Variants in MORC1 observed in about 807,000 individuals in gnomAD.
MORC1 encodes MORC family CW-type zinc finger protein 1.
MORC1 carries 59 observed loss-of-function variants against 134.9 expected under a neutral mutation model. The ratio of observed to expected loss-of-function variants is 0.44; its 90% CI spans 0.35 to 0.54. The LOEUF (loss-of-function observed/expected upper bound fraction) is 0.54, where lower values mean the gene tolerates loss of function less well. Ranked by LOEUF, MORC1 falls within the 20% of genes least tolerant of loss-of-function variation. The pLI, the probability that MORC1 is intolerant of heterozygous loss-of-function variation, is 0.00. For missense variants in MORC1, 947 were observed against 1,134.5 expected (o/e 0.83, Z 2.37); for synonymous variants, 395 against 391.7 (o/e 1.01, Z -0.10).
chr3:109,048,387 A>G (rs911187160), intron 14 of MORC1, among the ~76,000 whole-genome samples: 7 of 152,232 alleles, frequency 4.6e-5, no homozygotes, highest in African/African-American at 1.7e-4. Context: ...ATAATTATAC[A>G]GGGTCTGAGA....
chr3:108,998,996 C>T (rs569730692), intron 21 of MORC1, among the ~76,000 whole-genome samples: 27 of 152,310 alleles, frequency 1.8e-4, no homozygotes, highest in Admixed American at 1.6e-3. Flanking sequence ...CCATGAAAAA[C>T]TCACACAGAC....
intron 9 of MORC1, among the ~76,000 whole-genome samples, chr3:109,069,425 T>G (rs533457774): frequency 6.6e-5 from 10 of 152,348 alleles, no homozygotes; most frequent in African/African-American, 2.2e-4. Flanking sequence ...TAACTTAGCA[T>G]GCTCACTGCA....
At chr3:109,081,957 G>A (rs1950528210) in intron 8 of MORC1, among the ~76,000 whole-genome samples, 1 of 152,088 alleles carries the variant, frequency 6.6e-6, no homozygotes, top group African/African-American at 2.4e-5. Flanking sequence ...TGTCTGGAGG[G>A]AGAAACGTCC....
At chr3:109,029,174 T>C (rs1044441900) in intron 16 of MORC1, among the ~76,000 whole-genome samples, 1 of 152,188 alleles carries the variant, frequency 6.6e-6, no homozygotes, top group Admixed American at 6.5e-5. Context: ...GGTACTACTG[T>C]GAAAAAACAC....
Position 109,007,049 on chromosome 3 carries a change from A to G in MORC1, c.1747T>C (p.Cys583Arg). Residue 583 changes from cysteine (C) to arginine (R), a missense_variant, in exon 18 of 28, where the codon TGC (cysteine) becomes CGC (arginine). By Grantham distance (180) the Cys-to-Arg change is radical. Transcript: ENST00000232603. ...PVDEITVTST[C>R]LTSAHKENTK... Reference sequence around the variant, plus strand: ...CTCACCTTATGTGCTGAAGTTAGGCAGGTGGAAGTGACAGTGATTTCGTCC... The same window carrying G: ...CTCACCTTATGTGCTGAAGTTAGGCGGGTGGAAGTGACAGTGATTTCGTCC... 1 of 1,612,696 alleles carries G rather than the reference A, an allele frequency of 6.2e-7. No individual in the cohort carries two copies. Among genetic ancestry groups the G allele is most frequent in the Non-Finnish European group, 8.5e-7 (1 of 1,179,318 alleles).
chr3:109,096,095 T>C (rs145306705), intron 6 of MORC1, among the ~76,000 whole-genome samples: 124 of 152,286 alleles, frequency 8.1e-4, no homozygotes, highest in African/African-American at 2.9e-3. Context: ...TCTTCAGAGT[T>C]ATAAGAGAAA....
intron 8 of MORC1, among the ~76,000 whole-genome samples, chr3:109,074,299 T>C (rs966209886): frequency 2.0e-5 from 3 of 152,188 alleles, no homozygotes; most frequent in Non-Finnish European, 4.4e-5. Context: ...CCTTTTTTAC[T>C]AGGGGCTGTG....
chr3:109,049,949 C>T (rs1484498953), intron 14 of MORC1, among the ~76,000 whole-genome samples: 3 of 152,098 alleles, frequency 2.0e-5, no homozygotes, highest in Non-Finnish European at 2.9e-5. Context: ...TATTCTTGAA[C>T]TTGGAAGTGT....
chr3:109,049,238 T>A, intron 14 of MORC1: 1 of 605,700 alleles, frequency 1.7e-6, no homozygotes, highest in Non-Finnish European at 2.1e-6. Context: ...TGTGAGCAAC[T>A]AGCTACATCC....
chr3:109,080,581 T>C (rs2107732283), intron 8 of MORC1, among the ~76,000 whole-genome samples: 1 of 152,272 alleles, frequency 6.6e-6, no homozygotes, highest in African/African-American at 2.4e-5. Flanking sequence ...TTCAATTATA[T>C]AAAAGAAGAT....
intron 17 of MORC1, among the ~76,000 whole-genome samples, chr3:109,011,674 A>G (rs547143372): frequency 6.6e-6 from 1 of 152,052 alleles, no homozygotes; most frequent in East Asian, 1.9e-4. Context: ...GGCATGCGCC[A>G]CCACGCCTGG....
chr3:109,030,901 G>A (rs781134608), intron 16 of MORC1, among the ~76,000 whole-genome samples: 57 of 152,036 alleles, frequency 3.7e-4, no homozygotes, highest in Non-Finnish European at 7.1e-4. Flanking sequence ...TATTTACCCC[G>A]ATGTGATTAT....
chr3:108,967,722 T>C (rs2107375458), intron 26 of MORC1, among the ~76,000 whole-genome samples: 1 of 152,218 alleles, frequency 6.6e-6, no homozygotes, highest in East Asian at 1.9e-4. Context: ...GGTGTGGTGG[T>C]ACAAGCCTGT....
Position 108,963,516 on chromosome 3 carries a change from A to G in MORC1, c.2697T>C (p.Asn899=). The change falls in exon 27 of 28, where the codon AAT becomes AAC. Residue 899 remains asparagine (N), a synonymous_variant. Transcript: ENST00000232603. The part of the protein sequence containing the change: ...IYDSNTRGIH[N]EISLGQCENK... ...TTTCACATTGCCCCAGAGAGATTTC[A>G]TTATGTATTCCTCTTGTATTTGAAT... 6.2e-7 allele frequency: 1 copy of G among 1,609,632 alleles called. No individual in the cohort carries two copies. Among genetic ancestry groups the G allele is most frequent in the Non-Finnish European group, 8.5e-7 (1 of 1,177,180 alleles).
At position 108,964,770 on chromosome 3, in the gene MORC1, T is replaced by C. The variant is rs528753889; in HGVS notation, c.2605-1162A>G. Among the ~76,000 whole-genome samples the C allele has an allele frequency of 5.3e-5, 8 of 152,284 alleles. 1 individual carries two copies. The South Asian group carries it at 6.2e-4, about 12-fold the overall frequency. ...AATACAAATGTGCACATAAATCTTA[T>C]GGAACATAAGGACCTTGTGCCCCCA... On this transcript the variant is annotated intron_variant, in intron 26 of 27. Transcript: ENST00000232603.
intron 14 of MORC1, among the ~76,000 whole-genome samples, chr3:109,042,698 T>C (rs1228148233): frequency 2.6e-5 from 4 of 152,202 alleles, no homozygotes; most frequent in African/African-American, 9.6e-5. Flanking sequence ...CATCAATAGA[T>C]AAAGGGTTTC....
rs746538514 is a variant in MORC1 at position 109,069,702 on chromosome 3, A to G, written c.745T>C (p.Trp249Arg). 23 of 1,613,244 alleles carry G rather than the reference A, an allele frequency of 1.4e-5. No individual in the cohort carries two copies. The highest frequency in any genetic ancestry group is 2.2e-5 in the East Asian group (1 of 44,836). Residue 249 changes from tryptophan (W) to arginine (R), a missense_variant, in exon 9 of 28, where the codon TGG becomes CGG. Coordinates refer to ENST00000232603, the MANE Select transcript of MORC1 (RefSeq NM_014429.4). ...TTGGCTTGAATGAATATTCTCATCC[A>G]TGGGTTAAAATACAGAACAGATGTG... The part of the protein sequence containing the change: ...AYTSVLYFNP[W>R]MRIFIQAKRV...
intron 9 of MORC1, among the ~76,000 whole-genome samples, chr3:109,068,812 T>C (rs2107703995): frequency 6.6e-6 from 1 of 152,286 alleles, no homozygotes; most frequent in South Asian, 2.1e-4. Flanking sequence ...ATGGCATGCA[T>C]GGTTGGAAAA....
chr3:109,005,096 T>C lies in MORC1; in HGVS notation c.1987A>G (p.Asn663Asp), dbSNP rs1948504873. ...TGGGATCTCTCAGCTAGTTTGACAT[T>C]TTCTGGCAGAGCTACTGGAATTCTC... The part of the protein sequence containing the change: ...QQRIPVALPE[N>D]VKLAERSQRS... Residue 663 changes from asparagine to aspartate, a missense_variant, in exon 19 of 28, where the codon AAT becomes GAT. Around this residue, in one of 3 missense-constraint regions of MORC1, gnomAD observed 722 missense variants for 817.0 expected, o/e 0.88. Transcript: ENST00000232603. 6.2e-7 allele frequency: 1 copy of C among 1,611,592 alleles called. No individual in the cohort carries two copies. Among genetic ancestry groups the C allele is most frequent in the South Asian group, 1.1e-5 (1 of 90,274 alleles).
Sources: gnomAD v4.1 joint callset for allele counts (sites outside exome capture counted in the v4.1 genomes callset) on GRCh38, gnomAD v4.1.1 for gene constraint, gnomAD v4.1.1 regional missense constraint, MANE v1.5 for transcripts, NCBI Gene and HGNC (gene_info 2026-07-23, HGNC 2026-07-21) for gene names.